The following KCND3 variants were observed in gnomAD, a reference collection of about 807,000 sequenced individuals.
KCND3 encodes the protein potassium voltage-gated channel subfamily D member 3, also known as A-type voltage-gated potassium channel KCND3.
Under a neutral mutation model 51.1 loss-of-function variants are expected in KCND3, and 9 were observed. The observed-to-expected ratio is 0.18, with a 90% confidence interval of 0.11 to 0.31. The LOEUF is 0.31. Ranked by LOEUF, KCND3 falls within the 10% of genes least tolerant of loss-of-function variation. The probability of loss-of-function intolerance (pLI) is 1.00; values close to 1 mark genes in which losing one functional copy is unlikely to be tolerated. For missense variants in KCND3, 526 were observed against 903.8 expected, an observed-to-expected ratio of 0.58 and a Z score of 5.36; for synonymous variants, 349 against 368.0, an observed-to-expected ratio of 0.95 and a Z score of 0.59.
rs761982149 is a variant in KCND3, at chr1:111,982,747, C to G, written c.-21G>C. 5 of 1,595,316 alleles carry G rather than the reference C, an allele frequency of 3.1e-6. No individual in the cohort carries two copies. The highest frequency in any genetic ancestry group is 4.2e-6 in the Non-Finnish European group (5 of 1,176,950). On this transcript the variant is annotated 5_prime_UTR_variant, in exon 2 of 8. Transcript: ENST00000302127. The surrounding 1 kb of genome is among the most constrained non-coding windows in gnomAD (Gnocchi z 8.5). ...GCCATGGTGACTCCAGCTCTTGGGCCGGCAGCCGCGCGGACGCTAGGCACA... is the reference window on the plus strand; with the variant it reads ...GCCATGGTGACTCCAGCTCTTGGGCGGGCAGCCGCGCGGACGCTAGGCACA...
At chr1:111,932,265 G>C (rs1384022905) in intron 2 of KCND3, among the ~76,000 whole-genome samples, 1 of 152,120 alleles carries the variant, frequency 6.6e-6, no homozygotes, top group Admixed American at 6.6e-5. Context: ...ACATATCCAC[G>C]GGAGCAGGGG....
intron 2 of KCND3, among the ~76,000 whole-genome samples, chr1:111,803,548 CAG>C (rs1665421568): frequency 6.6e-6 from 1 of 152,214 alleles, no homozygotes; most frequent in Admixed American, 6.5e-5. Flanking sequence ...CTCACCCCGT[CAG>C]AGAAACCCTC....
chr1:111,967,906 C>T lies in KCND3; in HGVS notation c.1106+13715G>A, dbSNP rs1274644014. Among the ~76,000 whole-genome samples the T allele has an allele frequency of 3.3e-5, 5 of 152,298 alleles. No homozygotes were observed. In the East Asian group the frequency reaches 9.6e-4, roughly 29 times the overall value. ...GGCCCCACACCCACATCTCCTGACT[C>T]CCAATCCAGTGGTCTTGCCAGGGTC... On this transcript the variant is annotated intron_variant, in intron 2 of 7. Transcript: ENST00000302127.
chr1:111,977,677 G>A lies in KCND3; in HGVS notation c.1106+3944C>T, dbSNP rs144809347. Among the ~76,000 whole-genome samples the A allele has an allele frequency of 6.4e-4, 98 of 152,206 alleles. 1 individual carries two copies. The East Asian group carries it at 0.018, about 28-fold the overall frequency. On this transcript the variant is annotated intron_variant, in intron 2 of 7. Coordinates refer to ENST00000302127, the MANE Select transcript of KCND3 (RefSeq NM_001378969.1). Reference sequence around the variant, plus strand: ...CCTCCCATGGTCCTTGCGGATGCTCGCTTGCAAGGCTTTACTCTCACATGC... The same window carrying A: ...CCTCCCATGGTCCTTGCGGATGCTCACTTGCAAGGCTTTACTCTCACATGC...
intron 2 of KCND3, among the ~76,000 whole-genome samples, chr1:111,805,007 G>C (rs1277878798): frequency 6.6e-6 from 1 of 152,170 alleles, no homozygotes; most frequent in Non-Finnish European, 1.5e-5. Context: ...TGACAGCACG[G>C]GTGAAGCACA....
Position 111,784,103 on chromosome 1 carries a change from T to TCTCACACA in KCND3, c.1269+2840_1269+2841insTGTGTGAG, listed in dbSNP as rs1553236798. ...CCGTGGCAGTGGATGCATTAACTTA[T>TCTCACACA]CACACACACACACACACACACACAC... On this transcript the variant is annotated intron_variant, in intron 3 of 7. Coordinates refer to ENST00000302127, the MANE Select transcript of KCND3 (RefSeq NM_001378969.1). 1.7e-3 allele frequency among the ~76,000 whole-genome samples: 202 copies of TCTCACACA among 117,560 alleles called. 2 individuals carry two copies. Among genetic ancestry groups the TCTCACACA allele is most frequent in the African/African-American group, 5.6e-3 (193 of 34,492 alleles). The allele number at this position is 117,560 out of a possible 152,430, so 77.1% of individuals were successfully genotyped here. A position where few individuals can be genotyped will look rare whatever the true frequency, so the allele number is the denominator to read the frequency against.
intron 2 of KCND3, among the ~76,000 whole-genome samples, chr1:111,936,814 T>C (rs1288543064): frequency 6.6e-6 from 1 of 152,260 alleles, no homozygotes; most frequent in Non-Finnish European, 1.5e-5. Context: ...TTGGGGGCAC[T>C]GTCTCTCCAT....
intron 2 of KCND3, among the ~76,000 whole-genome samples, chr1:111,866,136 T>A (rs1424628469): frequency 1.3e-5 from 2 of 152,078 alleles, no homozygotes; most frequent in Non-Finnish European, 2.9e-5. Flanking sequence ...TTAAGAGCAG[T>A]TTTAGGTTTG....
intron 2 of KCND3, among the ~76,000 whole-genome samples, chr1:111,894,611 G>C (rs989911717): frequency 6.6e-6 from 1 of 152,212 alleles, no homozygotes; most frequent in Non-Finnish European, 1.5e-5. Context: ...GGGAATGAAG[G>C]ATGGCAGGCG....
chr1:111,777,958 T>C (rs1198255309), intron 6 of KCND3, among the ~76,000 whole-genome samples: 1 of 152,208 alleles, frequency 6.6e-6, no homozygotes, highest in African/African-American at 2.4e-5. Context: ...GGGGTATAGC[T>C]GAACCCAGGA....
chr1:111,867,926 T>C (rs904448760), intron 2 of KCND3, among the ~76,000 whole-genome samples: 3 of 152,136 alleles, frequency 2.0e-5, no homozygotes, highest in African/African-American at 2.4e-5. Context: ...CAAGGTGACA[T>C]GGAGGAAGTC....
At chr1:111,960,338 C>T (rs1557748271) in intron 2 of KCND3, among the ~76,000 whole-genome samples, 1 of 152,168 alleles carries the variant, frequency 6.6e-6, no homozygotes, top group Non-Finnish European at 1.5e-5. Context: ...CAGTAAATAT[C>T]AAAAAGCCAA....
chr1:111,784,735 G>A (rs956551280), intron 3 of KCND3, among the ~76,000 whole-genome samples: 33 of 152,062 alleles, frequency 2.2e-4, no homozygotes, highest in African/African-American at 7.3e-4. Context: ...CAGACACAGA[G>A]CTGAGCAGCC....
chr1:111,840,254 T>G (rs893054328), intron 2 of KCND3, among the ~76,000 whole-genome samples: 2 of 152,156 alleles, frequency 1.3e-5, no homozygotes, highest in African/African-American at 4.8e-5. Context: ...TATGAACTTT[T>G]TGGGGACACA....
At position 111,780,460 on chromosome 1, in the gene KCND3, G is replaced by A; in HGVS notation, c.1372-146C>T. 1 of 901,606 alleles carries A rather than the reference G, an allele frequency of 1.1e-6. No individual in the cohort carries two copies. The allele number at this position is 901,606 out of a possible 1,614,324, so 55.9% of individuals were successfully genotyped here. ...AAATTTCAGGGTCAGCATTGAATAT[G>A]CTAACCTTTGGGCTCAGGGGCCCTT... On this transcript the variant is annotated intron_variant, in intron 4 of 7. Transcript: ENST00000302127. This position sits in a 1 kb window ranked among gnomAD's most constrained non-coding sequence, Gnocchi z 4.2.
At chr1:111,880,614 G>T (rs78864702) in intron 2 of KCND3, among the ~76,000 whole-genome samples, 1 of 152,144 alleles carries the variant, frequency 6.6e-6, no homozygotes, top group Non-Finnish European at 1.5e-5. Flanking sequence ...CGGTTTAGGA[G>T]CACAATGTCT....
At chr1:111,923,669 C>T (rs192984582) in intron 2 of KCND3, among the ~76,000 whole-genome samples, 56 of 152,298 alleles carry the variant, frequency 3.7e-4, no homozygotes, top group Non-Finnish European at 7.3e-4. Flanking sequence ...TTCTGTACTG[C>T]CAGCTAAGGA....
chr1:111,886,273 A>G (rs1219698668), intron 2 of KCND3, among the ~76,000 whole-genome samples: 7 of 152,200 alleles, frequency 4.6e-5, no homozygotes, highest in Non-Finnish European at 8.8e-5. Flanking sequence ...ATCAAGGGAA[A>G]TGGCCCATTG....
intron 2 of KCND3, among the ~76,000 whole-genome samples, chr1:111,847,629 A>G (rs1203277583): frequency 6.6e-6 from 1 of 152,176 alleles, no homozygotes; most frequent in Non-Finnish European, 1.5e-5. Context: ...GCAGCAGCAA[A>G]TTAACAAAAA....
Sources: gnomAD v4.1 joint callset for allele counts (sites outside exome capture counted in the v4.1 genomes callset) on GRCh38, gnomAD v4.1.1 for gene constraint, Gnocchi (gnomAD v3.1) non-coding constraint, MANE v1.5 for transcripts, NCBI Gene and HGNC (gene_info 2026-07-23, HGNC 2026-07-21) for gene names.